The following AFG1L variants were observed in gnomAD, a reference collection of about 807,000 sequenced individuals.
AFG1L encodes AFG1 like ATPase.
A neutral mutation model predicts 62.2 loss-of-function variants in AFG1L; 53 were observed. The ratio of observed to expected loss-of-function variants is 0.85; its 90% CI spans 0.68 to 1.07. The LOEUF (loss-of-function observed/expected upper bound fraction) is 1.07, where lower values mean the gene tolerates loss of function less well. Among genes scored for constraint, AFG1L ranks in the 50% least tolerant of loss-of-function variants. The probability of loss-of-function intolerance (pLI) is 0.00; values close to 1 mark genes in which losing one functional copy is unlikely to be tolerated. For synonymous variants in AFG1L, 228 were observed against 210.3 expected (o/e 1.08, Z -0.73); for missense variants, 555 against 590.5 (o/e 0.94, Z 0.62).
Position 108,523,272 on chromosome 6 carries a change from C to T in AFG1L, c.*847C>T, listed in dbSNP as rs1396029681. 1 of 152,276 alleles carries T rather than the reference C, an allele frequency of 6.6e-6. No individual in the cohort carries two copies. Among genetic ancestry groups the T allele is most frequent in the Non-Finnish European group, 1.5e-5 (1 of 68,100 alleles). 9.4% of individuals were successfully genotyped at this position (152,276 alleles called of 1,614,324 possible). A position where few individuals can be genotyped will look rare whatever the true frequency, so the allele number is the denominator to read the frequency against. ...CCCCAGTGGACAGCAGGCTCCTTCT[C>T]ACTGTTGTAGACACTTGCTCTCCTT... On this transcript the variant is annotated 3_prime_UTR_variant, in exon 13 of 13. Transcript: ENST00000368977.
chr6:108,481,117 A>T (rs1483219359), intron 10 of AFG1L, among the ~76,000 whole-genome samples: 1 of 152,202 alleles, frequency 6.6e-6, no homozygotes, highest in Admixed American at 6.5e-5. Flanking sequence ...TAATAAAAAT[A>T]CTTTCTCTTC....
At chr6:108,399,667 G>A (rs1044594643) in intron 6 of AFG1L, among the ~76,000 whole-genome samples, 1 of 97,916 alleles carries the variant, frequency 1.0e-5, no homozygotes, top group African/African-American at 4.1e-5. Flanking sequence ...AGTTCTAATA[G>A]TTTTCCTTTT....
chr6:108,479,779 G>A (rs1326064905), intron 10 of AFG1L, among the ~76,000 whole-genome samples: 1 of 152,122 alleles, frequency 6.6e-6, no homozygotes, highest in East Asian at 1.9e-4. Context: ...TAAAGAAGCA[G>A]GCATCTATCT....
chr6:108,375,144 A>T (rs1302213483), intron 6 of AFG1L, among the ~76,000 whole-genome samples: 1 of 152,174 alleles, frequency 6.6e-6, no homozygotes, highest in African/African-American at 2.4e-5. Context: ...TTATTGGTGT[A>T]TAGAAATGCT....
intron 7 of AFG1L, among the ~76,000 whole-genome samples, chr6:108,426,465 A>C (rs1770821605): frequency 6.6e-6 from 1 of 152,192 alleles, no homozygotes; most frequent in African/African-American, 2.4e-5. Flanking sequence ...CAAAAAGTGC[A>C]CATTTCAACT....
intron 8 of AFG1L, among the ~76,000 whole-genome samples, chr6:108,473,694 A>G (rs915788516): frequency 2.0e-5 from 3 of 152,016 alleles, no homozygotes; most frequent in African/African-American, 7.2e-5. Flanking sequence ...AGTAGCTGGG[A>G]TTGCAGGCGC....
chr6:108,339,458 ATTT>A (rs538205129), intron 2 of AFG1L, among the ~76,000 whole-genome samples: 5 of 132,442 alleles, frequency 3.8e-5, no homozygotes, highest in Admixed American at 7.7e-5. Context: ...AATTCTTTAA[ATTT>A]TTTTTTTTTT....
intron 8 of AFG1L, among the ~76,000 whole-genome samples, chr6:108,466,417 T>A (rs1772666772): frequency 6.6e-6 from 1 of 152,192 alleles, no homozygotes; most frequent in Non-Finnish European, 1.5e-5. Flanking sequence ...TGGACTGAAT[T>A]GTGTCCCCCA....
At chr6:108,383,374 C>A (rs915073744) in intron 6 of AFG1L, among the ~76,000 whole-genome samples, 5 of 151,970 alleles carry the variant, frequency 3.3e-5, no homozygotes, top group Non-Finnish European at 7.4e-5. Context: ...ATAGACTCTG[C>A]AATACAGATG....
intron 1 of AFG1L, among the ~76,000 whole-genome samples, chr6:108,317,153 A>G (rs921815462): frequency 6.6e-6 from 1 of 152,180 alleles, no homozygotes; most frequent in Non-Finnish European, 1.5e-5. Flanking sequence ...GAAGAACATG[A>G]TTATGAATTT....
At chr6:108,416,821 G>GT (rs1279084049) in intron 7 of AFG1L, among the ~76,000 whole-genome samples, 2 of 152,018 alleles carry the variant, frequency 1.3e-5, no homozygotes, top group Admixed American at 1.3e-4. Flanking sequence ...TATACCTAAT[G>GT]TAAATGACGA....
chr6:108,397,247 T>A (rs1781355647), intron 6 of AFG1L, among the ~76,000 whole-genome samples: 1 of 152,098 alleles, frequency 6.6e-6, no homozygotes, highest in Admixed American at 6.5e-5. Context: ...CCTGCCTCAG[T>A]CTCCCAAGTA....
At chr6:108,380,487 G>A (rs1389095841) in intron 6 of AFG1L, among the ~76,000 whole-genome samples, 2 of 152,168 alleles carry the variant, frequency 1.3e-5, no homozygotes, top group African/African-American at 4.8e-5. Flanking sequence ...AGAAACTGCA[G>A]CTGTAGCAGC....
At chr6:108,397,523 C>T (rs920296133) in intron 6 of AFG1L, among the ~76,000 whole-genome samples, 1 of 152,228 alleles carries the variant, frequency 6.6e-6, no homozygotes, top group Non-Finnish European at 1.5e-5. Flanking sequence ...TCCCAAAGTG[C>T]TGGGATTATA....
chr6:108,383,452 A>G (rs1240661324), intron 6 of AFG1L, among the ~76,000 whole-genome samples: 3 of 152,194 alleles, frequency 2.0e-5, no homozygotes, highest in Non-Finnish European at 2.9e-5. Flanking sequence ...GTGATAAAAG[A>G]AAGCAAAATG....
chr6:108,444,619 C>T (rs1217333770), intron 7 of AFG1L, among the ~76,000 whole-genome samples: 3 of 152,178 alleles, frequency 2.0e-5, no homozygotes, highest in Non-Finnish European at 4.4e-5. Flanking sequence ...ACATTTATCT[C>T]CTTGTGCACT....
intron 10 of AFG1L, among the ~76,000 whole-genome samples, chr6:108,502,196 T>TTTTGTTTG (rs939111401): frequency 5.3e-5 from 8 of 151,330 alleles, no homozygotes; most frequent in African/African-American, 4.8e-5. Context: ...TGGTTTTGCT[T>TTTTGTTTG]TTTGTTTGTT....
intron 11 of AFG1L, among the ~76,000 whole-genome samples, chr6:108,517,669 G>A (rs999886875): frequency 1.8e-4 from 28 of 152,084 alleles, no homozygotes; most frequent in East Asian, 5.8e-4. Flanking sequence ...TAATTAAACT[G>A]AAGAGCTTCT....
chr6:108,361,686 G>A (rs560028134), intron 5 of AFG1L, among the ~76,000 whole-genome samples: 5 of 152,250 alleles, frequency 3.3e-5, no homozygotes, highest in South Asian at 2.1e-4. Context: ...GGCAGCAACC[G>A]TTGCTGTGTG....
Sources: gnomAD v4.1 joint callset for allele counts (sites outside exome capture counted in the v4.1 genomes callset) on GRCh38, gnomAD v4.1.1 for gene constraint, MANE v1.5 for transcripts, NCBI Gene and HGNC (gene_info 2026-07-23, HGNC 2026-07-21) for gene names.